CLSTN3: variants seen among roughly 807,000 people sequenced by gnomAD.
CLSTN3 encodes the protein calsyntenin 3.
A neutral mutation model predicts 95.9 loss-of-function variants in CLSTN3; 36 were observed. The ratio of observed to expected loss-of-function variants is 0.38; its 90% CI spans 0.29 to 0.50. The LOEUF is 0.50. CLSTN3 is among the 20% of genes least tolerant of loss of function. The pLI is 0.95. For missense variants in CLSTN3, 1,084 were observed against 1,268.8 expected, an observed-to-expected ratio of 0.85 and a Z score of 2.21; for synonymous variants, 481 against 504.0, an observed-to-expected ratio of 0.95 and a Z score of 0.61.
chr12:7,130,537 C>CTGTA lies in CLSTN3; in HGVS notation c.-111_-108dup. 3.2e-6 allele frequency: 5 copies of CTGTA among 1,544,426 alleles called. No homozygotes were observed. Among genetic ancestry groups the CTGTA allele is most frequent in the Non-Finnish European group, 4.4e-6 (5 of 1,146,600 alleles). ...CAGGCTCCTTTCCGTCCCTGCCCTG[C>CTGTA]TGTACCCCGCTCCTTGGAGACCCCC... On this transcript the variant is annotated 5_prime_UTR_variant, in exon 1 of 18. In the 5' UTR this introduces an upstream ATG that the reference lacks. Coordinates refer to ENST00000266546, the MANE Select transcript of CLSTN3 (RefSeq NM_014718.4).
chr12:7,149,093 G>T lies in CLSTN3; in HGVS notation c.1969G>T (p.Asp657Tyr), dbSNP rs764655836. 1 of 1,614,222 alleles carries T rather than the reference G, an allele frequency of 6.2e-7. No individual in the cohort carries two copies. Among genetic ancestry groups the T allele is most frequent in the Admixed American group, 1.7e-5 (1 of 60,034 alleles). The change falls in exon 13 of 18, where the codon GAC becomes TAC. Residue 657 changes from aspartate (D) to tyrosine (Y), a missense_variant. By Grantham distance (160) the Asp-to-Tyr change is radical. Coordinates refer to ENST00000266546, the MANE Select transcript of CLSTN3 (RefSeq NM_014718.4). The surrounding 1 kb of genome is among the most constrained non-coding windows in gnomAD (Gnocchi z 4.5). Reference protein sequence around the residue: ...GTAHFARPAVDFEGTNGVPLF... With the variant: ...GTAHFARPAVYFEGTNGVPLF... ...TGCTCATTTTGCCCGCCCAGCTGTG[G>T]ACTTTGAGGGAACCAACGGCGTCCC...
chr12:7,151,721 A>G (rs1939727004), intron 16 of CLSTN3, among the ~76,000 whole-genome samples: 1 of 152,116 alleles, frequency 6.6e-6, no homozygotes, highest in Non-Finnish European at 1.5e-5. Flanking sequence ...TGAGTTGCGT[A>G]ATTGTAGAAA....
In CLSTN3 at chr12:7,157,445, G is replaced by C; in HGVS notation, c.2528-44G>C. 6 of 1,503,192 alleles carry C rather than the reference G, an allele frequency of 4.0e-6. No individual in the cohort carries two copies. The highest frequency in any genetic ancestry group is 5.4e-6 in the Non-Finnish European group (6 of 1,121,058). 93.1% of individuals were successfully genotyped at this position (1,503,192 alleles called of 1,614,324 possible). On this transcript the variant is annotated intron_variant, in intron 16 of 17. Transcript: ENST00000266546. The surrounding 1 kb of genome is among the most constrained non-coding windows in gnomAD (Gnocchi z 5.9). ...CAGCCCCCTGTCCAAGTGCCCCCAGGTGTGCCTAGTCACGCTCTGCTCACC... is the reference window on the plus strand; with the variant it reads ...CAGCCCCCTGTCCAAGTGCCCCCAGCTGTGCCTAGTCACGCTCTGCTCACC...
rs1407820363 is a variant in CLSTN3, at chr12:7,133,436, G to GA, written c.188-136dup. 1 of 883,512 alleles carries GA rather than the reference G, an allele frequency of 1.1e-6. No homozygotes were observed. Among genetic ancestry groups the GA allele is most frequent in the African/African-American group, 1.7e-5 (1 of 59,658 alleles). 54.7% of individuals were successfully genotyped at this position (883,512 alleles called of 1,614,324 possible). On this transcript the variant is annotated intron_variant, in intron 2 of 17. Transcript: ENST00000266546. The surrounding 1 kb of genome is among the most constrained non-coding windows in gnomAD (Gnocchi z 4.7). The stretch of plus-strand genomic sequence containing the variant: ...AAGCTGGGCTTAGAGTTGCGTGTTT[G>GA]ATCATTAATGCTTTTGTGCCTACAG...
intron 1 of CLSTN3, chr12:7,132,280 G>T: frequency 4.2e-6 from 1 of 237,198 alleles, no homozygotes; most frequent in Non-Finnish European, 8.5e-6. Flanking sequence ...GGTTTCGAAT[G>T]TGTTCTCTTG....
intron 8 of CLSTN3, among the ~76,000 whole-genome samples, chr12:7,139,899 C>T (rs1054946251): frequency 6.6e-6 from 1 of 152,154 alleles, no homozygotes; most frequent in Non-Finnish European, 1.5e-5. Context: ...CCACCTTGGC[C>T]TCCTAAAGAG....
intron 1 of CLSTN3, chr12:7,131,502 G>T: frequency 3.1e-6 from 1 of 319,378 alleles, no homozygotes; most frequent in South Asian, 2.5e-5. Flanking sequence ...AAGGGTAAAG[G>T]TGGAGGCAGA....
Position 7,133,717 on chromosome 12 carries a change from C to T in CLSTN3, c.332C>T (p.Ala111Val). 1 of 1,606,784 alleles carries T rather than the reference C, an allele frequency of 6.2e-7. No homozygotes were observed. Among genetic ancestry groups the T allele is most frequent in the Non-Finnish European group, 8.5e-7 (1 of 1,177,656 alleles). ...AQKEHTFTIQ[A>V]YDCGEGPDGA... is the part of the protein sequence containing the mutation. ...AAGGAACACACCTTCACCATCCAGG[C>T]CTATGACTGTGGCGAGGGCCCCGAC... Residue 111 changes from alanine (A) to valine (V), a missense_variant, in exon 3 of 18, where the codon GCC becomes GTC. Ala to Val is a moderately conservative substitution (Grantham distance 64, BLOSUM62 0). Coordinates refer to ENST00000266546, the MANE Select transcript of CLSTN3 (RefSeq NM_014718.4). The surrounding 1 kb of genome is among the most constrained non-coding windows in gnomAD (Gnocchi z 4.7).
chr12:7,157,416 T>A lies in CLSTN3; in HGVS notation c.2528-73T>A, dbSNP rs916610525. ...CTTCAGCCCGGGCTGCCTCTTTTCC[T>A]ACCCAGCCCCCTGTCCAAGTGCCCC... On this transcript the variant is annotated intron_variant, in intron 16 of 17. Transcript: ENST00000266546. The surrounding 1 kb of genome is among the most constrained non-coding windows in gnomAD (Gnocchi z 5.9). 1.0e-5 allele frequency: 14 copies of A among 1,369,410 alleles called. No homozygotes were observed. The highest frequency in any genetic ancestry group is 2.3e-4 in the Middle Eastern group (1 of 4,290). The allele number at this position is 1,369,410 out of a possible 1,614,324, so 84.8% of individuals were successfully genotyped here.
rs751947010 is a variant in CLSTN3, at chr12:7,136,265, A to G, written c.802A>G (p.Ile268Val). 138 of 1,614,210 alleles carry G rather than the reference A, an allele frequency of 8.5e-5. 1 individual carries two copies. In the South Asian group the frequency reaches 1.3e-3, roughly 16 times the overall value. Reference protein sequence around the residue: ...GAGSLALFPGIRLETCDEPLW... With the variant: ...GAGSLALFPGVRLETCDEPLW... ...TGGGAGCTTGGCTTTGTTCCCTGGTATCCGCCTGGAGACCTGTGATGAACC... is the reference window on the plus strand; with the variant it reads ...TGGGAGCTTGGCTTTGTTCCCTGGTGTCCGCCTGGAGACCTGTGATGAACC... The change falls in exon 6 of 18, where the codon ATC becomes GTC. Residue 268 changes from isoleucine to valine, a missense_variant. Physicochemically the swap from Ile to Val is conservative, Grantham distance 29 (BLOSUM62 3). Coordinates refer to ENST00000266546, the MANE Select transcript of CLSTN3 (RefSeq NM_014718.4).
rs144410086 is a variant in CLSTN3, at chr12:7,142,369, C to T, written c.1540+230C>T. On this transcript the variant is annotated intron_variant, in intron 10 of 17. Transcript: ENST00000266546. Reference sequence around the variant, plus strand: ...TGCCCACAGAATGAAGAATGGGGCTCTCTTGGTGGCTTTCCACATGGTAGA... The same window carrying T: ...TGCCCACAGAATGAAGAATGGGGCTTTCTTGGTGGCTTTCCACATGGTAGA... Among the ~76,000 whole-genome samples the T allele has an allele frequency of 5.5e-3, 836 of 152,140 alleles. 3 individuals carry two copies. Among genetic ancestry groups the T allele is most frequent in the South Asian group, 0.011 (51 of 4,806 alleles).
Position 7,142,857 on chromosome 12 carries a change from T to G in CLSTN3, c.1541-12T>G. 1 of 1,613,730 alleles carries G rather than the reference T, an allele frequency of 6.2e-7. No individual in the cohort carries two copies. The highest frequency in any genetic ancestry group is 8.5e-7 in the Non-Finnish European group (1 of 1,179,758). Reference sequence around the variant, plus strand: ...TCTCACCTCCCGTCCTGCTCCTGTGTTCCTACCCTAGGAGACCCTTTGTCG... The same window carrying G: ...TCTCACCTCCCGTCCTGCTCCTGTGGTCCTACCCTAGGAGACCCTTTGTCG... On this transcript the variant is annotated splice_polypyrimidine_tract_variant and intron_variant, in intron 10 of 17. Coordinates refer to ENST00000266546, the MANE Select transcript of CLSTN3 (RefSeq NM_014718.4).
intron 12 of CLSTN3, among the ~76,000 whole-genome samples, chr12:7,143,673 C>T (rs1052924756): frequency 7.2e-5 from 11 of 152,184 alleles, no homozygotes; most frequent in African/African-American, 2.2e-4. Flanking sequence ...TGGATAACCT[C>T]GGGCAAATGG....
At position 7,136,858 on chromosome 12, in the gene CLSTN3, C is replaced by T. The variant is rs778732773; in HGVS notation, c.958C>T (p.Pro320Ser). The change falls in exon 7 of 18, where the codon CCC (proline) becomes TCC (serine). Residue 320 changes from proline to serine, a missense_variant. Coordinates refer to ENST00000266546, the MANE Select transcript of CLSTN3 (RefSeq NM_014718.4). ...TGCCACTGGGGAGGTGGATCTGTTG[C>T]CCATGCCTGGCCCCAATGCCAACTG... ...GAATGEVDLLPMPGPNANWTA... is the reference protein window; with the variant it reads ...GAATGEVDLLSMPGPNANWTA... 1.2e-6 allele frequency: 2 copies of T among 1,614,150 alleles called. No homozygotes were observed. The highest frequency in any genetic ancestry group is 4.5e-5 in the East Asian group (2 of 44,866).
chr12:7,131,025 C>T (rs574967433), intron 1 of CLSTN3: 1 of 489,510 alleles, frequency 2.0e-6, no homozygotes, highest in Non-Finnish European at 3.7e-6. Flanking sequence ...TGGTGGCTAC[C>T]TCGGGTCTGG....
intron 8 of CLSTN3, among the ~76,000 whole-genome samples, chr12:7,139,637 T>C (rs76134358): frequency 0.027 from 3,002 of 111,600 alleles, 84 homozygotes; most frequent in African/African-American, 0.077. Context: ...ACATCATCAT[T>C]ATTATTATTA....
In CLSTN3 at chr12:7,137,486, G is replaced by A. The variant is rs1939448091; in HGVS notation, c.1210+376G>A. ...TCATCATCCCATCCTGGGACTGGTT[G>A]GCCCCAACTCCGAGGCCTGTTCTTC... On this transcript the variant is annotated intron_variant, in intron 7 of 17. Transcript: ENST00000266546. The surrounding 1 kb of genome is among the most constrained non-coding windows in gnomAD (Gnocchi z 4.4). 6.6e-6 allele frequency among the ~76,000 whole-genome samples: 1 copy of A among 152,112 alleles called. No individual in the cohort carries two copies. The highest frequency in any genetic ancestry group is 2.4e-5 in the African/African-American group (1 of 41,406).
In CLSTN3 at chr12:7,133,962, GAGTT is replaced by G; in HGVS notation, c.383+195_383+198del. On this transcript the variant is annotated intron_variant, in intron 3 of 17. Coordinates refer to ENST00000266546, the MANE Select transcript of CLSTN3 (RefSeq NM_014718.4). This position sits in a 1 kb window ranked among gnomAD's most constrained non-coding sequence, Gnocchi z 4.7. Reference sequence around the variant, plus strand: ...GGCAAGGTGACAGAAACGTATAGTAGAGTTCAGTGGATCTAATCTTGGCTTTGCC... The same window carrying G: ...GGCAAGGTGACAGAAACGTATAGTAGCAGTGGATCTAATCTTGGCTTTGCC... The G allele has an allele frequency of 2.0e-6, 1 of 505,914 alleles. No individual in the cohort carries two copies. Among genetic ancestry groups the G allele is most frequent in the Non-Finnish European group, 3.4e-6 (1 of 290,968 alleles). 31.3% of individuals were successfully genotyped at this position (505,914 alleles called of 1,614,324 possible).
In CLSTN3 at chr12:7,149,302, C is replaced by A; in HGVS notation, c.2074+104C>A. On this transcript the variant is annotated intron_variant, in intron 13 of 17. Coordinates refer to ENST00000266546, the MANE Select transcript of CLSTN3 (RefSeq NM_014718.4). This position sits in a 1 kb window ranked among gnomAD's most constrained non-coding sequence, Gnocchi z 4.5. Reference sequence around the variant, plus strand: ...GCTGGAAGCAGAAAGCGACTCCATCCTGTGTTTGTTTGACTGAACAACTTA... The same window carrying A: ...GCTGGAAGCAGAAAGCGACTCCATCATGTGTTTGTTTGACTGAACAACTTA... 1.8e-6 allele frequency: 2 copies of A among 1,090,324 alleles called. No individual in the cohort carries two copies. The highest frequency in any genetic ancestry group is 2.7e-6 in the Non-Finnish European group (2 of 739,538). 67.5% of individuals were successfully genotyped at this position (1,090,324 alleles called of 1,614,324 possible).
Sources: allele counts gnomAD v4.1 joint callset (sites outside exome capture counted in the v4.1 genomes callset), GRCh38; gene constraint gnomAD v4.1.1; non-coding constraint Gnocchi (gnomAD v3.1); transcripts MANE v1.5; gene names NCBI Gene and HGNC (gene_info 2026-07-23, HGNC 2026-07-21).